The following GALNT12 variants were observed in gnomAD, a reference collection of about 807,000 sequenced individuals.
GALNT12 encodes polypeptide N-acetylgalactosaminyltransferase 12, also known as UDP-GalNAc:polypeptide N-acetylgalactosaminyltransferase 12.
Under a neutral mutation model 55.5 loss-of-function variants are expected in GALNT12, and 45 were observed. The observed-to-expected ratio is 0.81, with a 90% CI of 0.64 to 1.04. The LOEUF (loss-of-function observed/expected upper bound fraction) is 1.04. Among genes scored for constraint, GALNT12 ranks in the 50% least tolerant of loss-of-function variants. The pLI, the probability that GALNT12 is intolerant of heterozygous loss-of-function variation, is 0.00. For missense variants in GALNT12, 709 were observed against 754.8 expected (o/e 0.94, Z 0.71); for synonymous variants, 304 against 312.2 (o/e 0.97, Z 0.28).
intron 1 of GALNT12, among the ~76,000 whole-genome samples, chr9:98,818,387 T>G (rs867721365): frequency 3.3e-5 from 5 of 152,138 alleles, no homozygotes; most frequent in Admixed American, 1.3e-4. Flanking sequence ...CATGCCCGGC[T>G]AATTTTTTTG....
At chr9:98,848,152 G>T (rs1052407998) in intron 9 of GALNT12, among the ~76,000 whole-genome samples, 8 of 152,214 alleles carry the variant, frequency 5.3e-5, no homozygotes, top group African/African-American at 1.9e-4. Context: ...CCTCTGAAAT[G>T]TCATTTCTTG....
At chr9:98,833,848 C>T (rs1396275472) in intron 4 of GALNT12, among the ~76,000 whole-genome samples, 1 of 152,058 alleles carries the variant, frequency 6.6e-6, no homozygotes. Flanking sequence ...GCCCCGTTAC[C>T]CCACATGCTC....
chr9:98,839,951 G>A (rs370192327), intron 6 of GALNT12, 51 bp from the exon 7 acceptor site: 52 of 1,612,586 alleles, frequency 3.2e-5, no homozygotes, highest in East Asian at 2.2e-4. Context: ...CAGGGGCTTT[G>A]AAAGGAAGCA....
chr9:98,813,593 G>A (rs1409857510), intron 1 of GALNT12, among the ~76,000 whole-genome samples: 1 of 152,012 alleles, frequency 6.6e-6, no homozygotes, highest in East Asian at 1.9e-4. Context: ...CACCTCCTGG[G>A]TTCAAGTGAT....
At chr9:98,832,792 G>A (rs1243460317) in intron 4 of GALNT12, among the ~76,000 whole-genome samples, 1 of 152,118 alleles carries the variant, frequency 6.6e-6, no homozygotes. Flanking sequence ...GTTTCCTAGA[G>A]AACATCATTC....
chr9:98,834,680 C>T (rs1163569858), intron 4 of GALNT12, among the ~76,000 whole-genome samples: 1 of 152,210 alleles, frequency 6.6e-6, no homozygotes, highest in South Asian at 2.1e-4. Context: ...GCCTTTAGGG[C>T]CTTCTGCATA....
chr9:98,848,336 A>G (rs371336618), intron 9 of GALNT12, among the ~76,000 whole-genome samples: 2 of 152,050 alleles, frequency 1.3e-5, no homozygotes. Context: ...GAAAAGATAA[A>G]CACCAGGCCT....
At chr9:98,827,401 G>A (rs1835883173) in intron 3 of GALNT12, among the ~76,000 whole-genome samples, 1 of 151,992 alleles carries the variant, frequency 6.6e-6, no homozygotes, top group South Asian at 2.1e-4. Flanking sequence ...GGGTTTCACT[G>A]CTTTGGTCAG....
chr9:98,849,202 C>A lies in GALNT12; in HGVS notation c.*110C>A. Reference sequence around the variant, plus strand: ...ACCCACCAAAAACTAGGCTGCATTGCTTTGAAGAGGCAATCATTTTGCCAT... The same window carrying A: ...ACCCACCAAAAACTAGGCTGCATTGATTTGAAGAGGCAATCATTTTGCCAT... On this transcript the variant is annotated 3_prime_UTR_variant, in exon 10 of 10. Transcript: ENST00000375011. The A allele has an allele frequency of 9.3e-7, 1 of 1,077,046 alleles. No individual in the cohort carries two copies. Among genetic ancestry groups the A allele is most frequent in the Non-Finnish European group, 1.4e-6 (1 of 707,008 alleles). 66.7% of individuals were successfully genotyped at this position (1,077,046 alleles called of 1,614,324 possible). A position where few individuals can be genotyped will look rare whatever the true frequency, so the allele number is the denominator to read the frequency against.
At position 98,837,187 on chromosome 9, in the gene GALNT12, T is replaced by C; in HGVS notation, c.1212+39T>C. 9.4e-6 allele frequency: 15 copies of C among 1,604,230 alleles called. 1 individual carries two copies. The Middle Eastern group carries it at 1.5e-3, about 159-fold the overall frequency. On this transcript the variant is annotated intron_variant, in intron 6 of 9. Transcript: ENST00000375011. ...CCCACCTGCACTCCATCTGGCTTCATCTGAACAACAGCAGCTAATCGTGGC... is the reference window on the plus strand; with the variant it reads ...CCCACCTGCACTCCATCTGGCTTCACCTGAACAACAGCAGCTAATCGTGGC...
At chr9:98,845,854 G>T (rs1836398061) in intron 8 of GALNT12, 123 bp from the exon 9 acceptor site, 5 of 955,098 alleles carry the variant, frequency 5.2e-6, no homozygotes, top group Non-Finnish European at 8.3e-6. Flanking sequence ...GGCTCGTGTT[G>T]GTGGTGACGC....
chr9:98,835,424 G>A (rs929425270), intron 5 of GALNT12, 58 bp downstream of exon 5: 12 of 1,100,378 alleles, frequency 1.1e-5, no homozygotes, highest in South Asian at 6.2e-5. Context: ...CTTTGGGAAC[G>A]ATGGGATTTG....
At chr9:98,816,885 C>G (rs1835624919) in intron 1 of GALNT12, among the ~76,000 whole-genome samples, 1 of 150,684 alleles carries the variant, frequency 6.6e-6, no homozygotes, top group African/African-American at 2.4e-5. Flanking sequence ...TGCAGTGGCC[C>G]CTGATCTCGG....
At chr9:98,841,852 A>G (rs1363576353) in intron 7 of GALNT12, among the ~76,000 whole-genome samples, 1 of 144,028 alleles carries the variant, frequency 6.9e-6, no homozygotes, top group Non-Finnish European at 1.5e-5. Flanking sequence ...TTTTTTTTGT[A>G]TTTTTAGCAG....
intron 9 of GALNT12, chr9:98,848,742 G>A (rs1836476827): frequency 4.8e-6 from 3 of 620,432 alleles, no homozygotes; most frequent in Non-Finnish European, 8.6e-6. Flanking sequence ...GGCACCATCG[G>A]TCCTGTGAGA....
At chr9:98,824,177 A>G (rs900377799) in intron 2 of GALNT12, among the ~76,000 whole-genome samples, 6 of 152,148 alleles carry the variant, frequency 3.9e-5, no homozygotes, top group African/African-American at 1.4e-4. Context: ...GGCTGTTTTC[A>G]CAGACTCAAT....
At position 98,846,033 on chromosome 9, in the gene GALNT12, C is replaced by T. The variant is rs369089798; in HGVS notation, c.1515C>T (p.Gly505=). ...GCTATAACACCCACCAGCCTGAGGG[C>T]TGCATTGCTGTGGAAGCAGGAATGG... ...EIRYNTHQPE[G]CIAVEAGMDT... is the part of the protein sequence containing the mutation. Residue 505 remains glycine (G), a synonymous_variant, in exon 9 of 10, where the codon GGC becomes GGT. Transcript: ENST00000375011. The T allele has an allele frequency of 3.1e-6, 5 of 1,614,042 alleles. No homozygotes were observed. Among genetic ancestry groups the T allele is most frequent in the Non-Finnish European group, 3.4e-6 (4 of 1,180,008 alleles).
At chr9:98,838,201 G>A (rs1836199416) in intron 6 of GALNT12, among the ~76,000 whole-genome samples, 1 of 152,338 alleles carries the variant, frequency 6.6e-6, no homozygotes, top group Admixed American at 6.5e-5. Context: ...CAGGGAGTCT[G>A]TTCTGCTTCC....
At chr9:98,837,435 G>A (rs944076304) in intron 6 of GALNT12, among the ~76,000 whole-genome samples, 1 of 152,174 alleles carries the variant, frequency 6.6e-6, no homozygotes, top group African/African-American at 2.4e-5. Context: ...CAGACTTGGG[G>A]CACAGTTTTG....
Sources: allele counts gnomAD v4.1 joint callset (sites outside exome capture counted in the v4.1 genomes callset), GRCh38; gene constraint gnomAD v4.1.1; transcripts MANE v1.5; gene names NCBI Gene and HGNC (gene_info 2026-07-23, HGNC 2026-07-21).